The following DOCK2 variants were observed in gnomAD, a reference collection of about 807,000 sequenced individuals.
The protein encoded by DOCK2 is dedicator of cytokinesis protein 2.
DOCK2 carries 87 observed loss-of-function variants against 248.9 expected under a neutral mutation model. The ratio of observed to expected loss-of-function variants is 0.35; its 90% CI spans 0.29 to 0.42. The LOEUF (loss-of-function observed/expected upper bound fraction) is 0.42. Ranked by LOEUF, DOCK2 falls within the 10% of genes least tolerant of loss-of-function variation. The probability of loss-of-function intolerance (pLI) is 1.00; values close to 1 mark genes in which losing one functional copy is unlikely to be tolerated. For missense variants in DOCK2, 1,747 were observed against 2,300.2 expected (o/e 0.76, Z 4.92); for synonymous variants, 805 against 821.6 (o/e 0.98, Z 0.35).
At chr5:170,058,836 T>A (rs1050107149) in intron 44 of DOCK2, among the ~76,000 whole-genome samples, 1 of 152,158 alleles carries the variant, frequency 6.6e-6, no homozygotes, top group Non-Finnish European at 1.5e-5. Flanking sequence ...TTAATGCCCC[T>A]CTCTTTTCAG....
chr5:169,765,068 GCGCACACACA>G (rs1007886055), intron 25 of DOCK2, among the ~76,000 whole-genome samples: 4 of 79,664 alleles, frequency 5.0e-5, no homozygotes, highest in African/African-American at 1.5e-4. Flanking sequence ...GGCTCTTTTA[GCGCACACACA>G]CACACACACA....
At chr5:169,899,776 A>G (rs145310188) in intron 27 of DOCK2, among the ~76,000 whole-genome samples, 26 of 152,268 alleles carry the variant, frequency 1.7e-4, no homozygotes, top group African/African-American at 2.9e-4. Context: ...AATTTCCCCA[A>G]TGTGTTCACA....
chr5:169,731,039 A>C (rs1467633641), intron 22 of DOCK2, among the ~76,000 whole-genome samples: 2 of 152,006 alleles, frequency 1.3e-5, no homozygotes, highest in African/African-American at 4.8e-5. Flanking sequence ...GCTAATTTTT[A>C]AATTTTTTTG....
chr5:170,059,977 G>C (rs1452602615), intron 44 of DOCK2, among the ~76,000 whole-genome samples: 2 of 152,226 alleles, frequency 1.3e-5, no homozygotes, highest in Non-Finnish European at 2.9e-5. Flanking sequence ...TGTCTCAGAT[G>C]CAAAAGTTGA....
In DOCK2 at chr5:169,670,574, G is replaced by A. The variant is rs1440330861; in HGVS notation, c.201G>A (p.Lys67=). The change falls in exon 4 of 52, where the codon AAG becomes AAA. Residue 67 remains lysine, a synonymous_variant. Coordinates refer to ENST00000520908, the MANE Select transcript of DOCK2 (RefSeq NM_004946.3). ...TTCCTAAGTCATTTATCCACATCAA[G>A]GAAGTGACAGTTGAGAAAAGAAGGT... The part of the protein sequence containing the change: ...GIFPKSFIHI[K]EVTVEKRRNT... 1.9e-6 allele frequency: 3 copies of A among 1,613,848 alleles called. No individual in the cohort carries two copies. In the South Asian group the frequency reaches 3.3e-5, roughly 18 times the overall value.
At chr5:169,759,332 A>G (rs181923037) in intron 23 of DOCK2, among the ~76,000 whole-genome samples, 1 of 152,336 alleles carries the variant, frequency 6.6e-6, no homozygotes, top group East Asian at 1.9e-4. Flanking sequence ...TAATCTTCGC[A>G]ATCCTTCAGA....
intron 1 of DOCK2, among the ~76,000 whole-genome samples, chr5:169,644,763 C>A (rs1757355986): frequency 1.3e-5 from 2 of 151,940 alleles, no homozygotes; most frequent in Admixed American, 1.3e-4. Context: ...TATGCATTAG[C>A]TATTTGTCCT....
intron 27 of DOCK2, among the ~76,000 whole-genome samples, chr5:169,868,774 T>C (rs1483823604): frequency 6.6e-6 from 1 of 152,118 alleles, no homozygotes; most frequent in Non-Finnish European, 1.5e-5. Flanking sequence ...AAGAAAATGA[T>C]ATTAATGCTC....
Position 169,983,126 on chromosome 5 carries a change from C to T in DOCK2, c.2858C>T (p.Ser953Phe), listed in dbSNP as rs35395501. Residue 953 changes from serine (S) to phenylalanine (F), a missense_variant, in exon 28 of 52, where the codon TCC (serine) becomes TTC (phenylalanine). By Grantham distance (155) the Ser-to-Phe change is radical. Coordinates refer to ENST00000520908, the MANE Select transcript of DOCK2 (RefSeq NM_004946.3). ...AACCAGATGGGTGACCAGCACTACT[C>T]CTTCTACATTGAGACCTTCCAGACC... ...ILNQMGDQHY[S>F]FYIETFQTSS... is the part of the protein sequence containing the mutation. 1.4e-4 allele frequency: 227 copies of T among 1,614,076 alleles called. 2 individuals are homozygous for T. The Middle Eastern group carries it at 7.4e-3, about 53-fold the overall frequency.
rs146489287 is a variant in DOCK2, at chr5:169,695,865, C to T, written c.906C>T (p.Val302=). The part of the protein sequence containing the change: ...KIYLICQIVR[V]GKMDLKDTGA... The stretch of plus-strand genomic sequence containing the variant: ...ACTTGATTTGTCAAATAGTCCGGGT[C>T]GGCAAGATGGATCTTAAGGATACTG... Residue 302 remains valine (V), a synonymous_variant, in exon 10 of 52, where the codon GTC becomes GTT. Coordinates refer to ENST00000520908, the MANE Select transcript of DOCK2 (RefSeq NM_004946.3). 39 of 1,613,806 alleles carry T rather than the reference C, an allele frequency of 2.4e-5. No homozygotes were observed. The Middle Eastern group carries it at 6.6e-4, about 27-fold the overall frequency.
At chr5:169,831,940 A>C (rs1012361136) in intron 26 of DOCK2, among the ~76,000 whole-genome samples, 3 of 152,172 alleles carry the variant, frequency 2.0e-5, no homozygotes, top group Non-Finnish European at 4.4e-5. Context: ...TTTTGCAGAG[A>C]GTTTTTCATA....
In DOCK2 at chr5:169,810,971, ACTCTCTCT is replaced by A. The variant is rs372931658; in HGVS notation, c.2703+7777_2703+7784del. 5.1e-3 allele frequency among the ~76,000 whole-genome samples: 748 copies of A among 145,872 alleles called. 2 individuals are homozygous for A. The highest frequency in any genetic ancestry group is 0.013 in the African/African-American group (505 of 38,468). ...TGTATGTTTACACACACACACACAG[ACTCTCTCT>A]CTCTCTCTCTCACACACACACACAC... On this transcript the variant is annotated intron_variant, in intron 26 of 51. Transcript: ENST00000520908.
intron 33 of DOCK2, among the ~76,000 whole-genome samples, chr5:170,020,821 A>C (rs1245247197): frequency 6.6e-6 from 1 of 152,244 alleles, no homozygotes; most frequent in East Asian, 1.9e-4. Context: ...CTGATCCAAC[A>C]AGATGCTCCA....
At chr5:169,850,401 T>C (rs975588626) in intron 27 of DOCK2, among the ~76,000 whole-genome samples, 2 of 152,210 alleles carry the variant, frequency 1.3e-5, no homozygotes, top group Non-Finnish European at 2.9e-5. Context: ...CTTGTTTTCC[T>C]GAGGTAAAAT....
At position 169,737,788 on chromosome 5, in the gene DOCK2, C is replaced by G. The variant is rs1035124349; in HGVS notation, c.2268-9608C>G. Among the ~76,000 whole-genome samples the G allele has an allele frequency of 3.9e-5, 6 of 152,366 alleles. No homozygotes were observed. The East Asian group carries it at 1.2e-3, about 29-fold the overall frequency. On this transcript the variant is annotated intron_variant, in intron 22 of 51. Coordinates refer to ENST00000520908, the MANE Select transcript of DOCK2 (RefSeq NM_004946.3). Reference sequence around the variant, plus strand: ...CATTCCTGGACCGGGCATGGAAGCTCCGCATACCTTCCTCCCCATTCCTGT... The same window carrying G: ...CATTCCTGGACCGGGCATGGAAGCTGCGCATACCTTCCTCCCCATTCCTGT...
chr5:169,905,110 A>G (rs1221979443), intron 27 of DOCK2, among the ~76,000 whole-genome samples: 3 of 152,176 alleles, frequency 2.0e-5, no homozygotes, highest in South Asian at 4.1e-4. Flanking sequence ...AGGTGCTGGC[A>G]TGTATTTTCT....
chr5:169,898,533 AC>A (rs1237420382), intron 27 of DOCK2, among the ~76,000 whole-genome samples: 1 of 86,416 alleles, frequency 1.2e-5, no homozygotes, highest in African/African-American at 1.5e-4. Context: ...ACACAAAACA[AC>A]AACAACAACA....
intron 27 of DOCK2, among the ~76,000 whole-genome samples, chr5:169,864,891 CA>C (rs1395432786): frequency 1.3e-5 from 2 of 152,200 alleles, no homozygotes; most frequent in Admixed American, 1.3e-4. Context: ...GCACCTATCT[CA>C]AAGGCTTTCT....
intron 25 of DOCK2, among the ~76,000 whole-genome samples, chr5:169,761,938 T>C (rs998579822): frequency 6.6e-6 from 1 of 152,228 alleles, no homozygotes. Context: ...AAGTTCCTTT[T>C]AGTAGAAAGA....
Sources: allele counts gnomAD v4.1 joint callset (sites outside exome capture counted in the v4.1 genomes callset), GRCh38; gene constraint gnomAD v4.1.1; transcripts MANE v1.5; gene names NCBI Gene and HGNC (gene_info 2026-07-23, HGNC 2026-07-21).